NRXN3: variants seen among roughly 807,000 people sequenced by gnomAD.
NRXN3 encodes neurexin III.
A neutral mutation model predicts 137.6 loss-of-function variants in NRXN3; 32 were observed. That is an observed-to-expected ratio of 0.23 (90% CI 0.18 to 0.31). The LOEUF (loss-of-function observed/expected upper bound fraction) is 0.31, where lower values mean the gene tolerates loss of function less well. NRXN3 is among the 10% of genes least tolerant of loss of function. The probability of loss-of-function intolerance (pLI) is 1.00; values close to 1 mark genes in which losing one functional copy is unlikely to be tolerated. For missense variants in NRXN3, 1,574 were observed against 2,062.5 expected (o/e 0.76, Z 4.59); for synonymous variants, 798 against 784.5 (o/e 1.02, Z -0.29).
chr14:79,350,308 AC>A (rs959202920), intron 15 of NRXN3, among the ~76,000 whole-genome samples: 37 of 152,336 alleles, frequency 2.4e-4, no homozygotes, highest in African/African-American at 8.2e-4. Context: ...CAAGGCACAG[AC>A]TTTGTTAAGC....
At chr14:79,682,473 T>C (rs2098675520) in intron 17 of NRXN3, among the ~76,000 whole-genome samples, 1 of 152,210 alleles carries the variant, frequency 6.6e-6, no homozygotes, top group Non-Finnish European at 1.5e-5. Context: ...TAATAGTGTA[T>C]ATCTGACCTT....
chr14:78,415,724 C>T (rs2093098074), intron 4 of NRXN3, among the ~76,000 whole-genome samples: 1 of 152,088 alleles, frequency 6.6e-6, no homozygotes, highest in African/African-American at 2.4e-5. Context: ...GGAGGTAGGA[C>T]ATCTGGGGGT....
chr14:78,221,796 T>G (rs1384043784), intron 1 of NRXN3, among the ~76,000 whole-genome samples: 1 of 152,212 alleles, frequency 6.6e-6, no homozygotes, highest in Non-Finnish European at 1.5e-5. Flanking sequence ...TATCTCATCG[T>G]GAGGGCAGAG....
chr14:79,059,196 T>C (rs1178828152), intron 15 of NRXN3, among the ~76,000 whole-genome samples: 4 of 151,308 alleles, frequency 2.6e-5, no homozygotes, highest in Non-Finnish European at 5.9e-5. Flanking sequence ...CACCAGCAGA[T>C]CAAAACAATG....
At chr14:78,178,670 A>G (rs1011657163) in intron 1 of NRXN3, among the ~76,000 whole-genome samples, 1 of 152,150 alleles carries the variant, frequency 6.6e-6, no homozygotes, top group Non-Finnish European at 1.5e-5. Context: ...ACCTGCTTTG[A>G]GCAGGGCATC....
At chr14:78,203,803 GGT>G (rs3059003) in intron 1 of NRXN3, among the ~76,000 whole-genome samples, 2,885 of 133,892 alleles carry the variant, frequency 0.022, 45 homozygotes, top group South Asian at 0.064. Context: ...GATCCTTCCA[GGT>G]GTGTGTGTGT....
intron 1 of NRXN3, among the ~76,000 whole-genome samples, chr14:78,184,124 G>A (rs72683751): frequency 0.25 from 37,671 of 152,106 alleles, 5,051 homozygotes; most frequent in East Asian, 0.31. Context: ...AAATCTCCCC[G>A]CCAGAGATAA....
At chr14:79,048,564 T>A (rs1284285336) in intron 15 of NRXN3, among the ~76,000 whole-genome samples, 1 of 152,156 alleles carries the variant, frequency 6.6e-6, no homozygotes, top group Non-Finnish European at 1.5e-5. Flanking sequence ...ATGCACACCT[T>A]AATTTAAAAG....
chr14:78,906,197 A>T lies in NRXN3; in HGVS notation c.2276-51045A>T, dbSNP rs979397836. 3.3e-5 allele frequency among the ~76,000 whole-genome samples: 5 copies of T among 152,214 alleles called. No homozygotes were observed. The East Asian group carries it at 9.7e-4, about 30-fold the overall frequency. ...GATTTCACCATTATATTATATAATT[A>T]TAATTTCAGTGAATCAACTGCAAAT... On this transcript the variant is annotated intron_variant, in intron 10 of 20. Transcript: ENST00000335750.
intron 15 of NRXN3, among the ~76,000 whole-genome samples, chr14:79,166,517 G>A (rs1277750319): frequency 1.3e-5 from 2 of 149,946 alleles, no homozygotes; most frequent in South Asian, 2.1e-4. Context: ...TCTAGTATGT[G>A]TTGAAAATGC....
chr14:78,469,201 A>T (rs2095203097), intron 4 of NRXN3, among the ~76,000 whole-genome samples: 1 of 152,158 alleles, frequency 6.6e-6, no homozygotes, highest in African/African-American at 2.4e-5. Flanking sequence ...ATTCACAGGA[A>T]ATCTAATGTA....
intron 10 of NRXN3, among the ~76,000 whole-genome samples, chr14:78,874,241 G>A (rs1415534436): frequency 6.6e-6 from 1 of 152,064 alleles, no homozygotes; most frequent in African/African-American, 2.4e-5. Flanking sequence ...CGAAGTTCTG[G>A]GATTACAGGC....
chr14:78,845,034 C>A (rs765700810), intron 10 of NRXN3, among the ~76,000 whole-genome samples: 1 of 151,784 alleles, frequency 6.6e-6, no homozygotes, highest in Non-Finnish European at 1.5e-5. Context: ...GAGTAACAAA[C>A]CAGTGATGTC....
intron 16 of NRXN3, among the ~76,000 whole-genome samples, chr14:79,562,028 A>C (rs1045885176): frequency 1.3e-5 from 2 of 152,022 alleles, no homozygotes; most frequent in Non-Finnish European, 2.9e-5. Flanking sequence ...AAAGTAGTCT[A>C]AGTGAGTCAT....
chr14:79,173,883 A>G (rs1596812518), intron 15 of NRXN3, among the ~76,000 whole-genome samples: 1 of 152,172 alleles, frequency 6.6e-6, no homozygotes, highest in East Asian at 1.9e-4. Context: ...AAATAAAAGA[A>G]AACAGGAAGG....
At chr14:79,396,221 A>G (rs1343265216) in intron 15 of NRXN3, among the ~76,000 whole-genome samples, 1 of 152,110 alleles carries the variant, frequency 6.6e-6, no homozygotes, top group Non-Finnish European at 1.5e-5. Context: ...TATATGGAAC[A>G]TAATACGGGG....
chr14:78,465,857 T>A (rs1410969227), intron 4 of NRXN3, among the ~76,000 whole-genome samples: 1 of 148,954 alleles, frequency 6.7e-6, no homozygotes, highest in Non-Finnish European at 1.5e-5. Context: ...AAATTTTTAT[T>A]TATTTATTTT....
At chr14:78,785,153 GAAAT>G (rs1051610003) in intron 8 of NRXN3, among the ~76,000 whole-genome samples, 7 of 152,314 alleles carry the variant, frequency 4.6e-5, no homozygotes, top group Admixed American at 4.6e-4. Context: ...GCTAGTTAGA[GAAAT>G]AAACAAGAAG....
At chr14:78,503,630 C>T (rs1253072029) in intron 4 of NRXN3, among the ~76,000 whole-genome samples, 1 of 152,112 alleles carries the variant, frequency 6.6e-6, no homozygotes, top group Non-Finnish European at 1.5e-5. Context: ...CCACCATCAG[C>T]AGGATCAGGA....
Sources: allele counts gnomAD v4.1 joint callset (sites outside exome capture counted in the v4.1 genomes callset), GRCh38; gene constraint gnomAD v4.1.1; transcripts MANE v1.5; gene names NCBI Gene and HGNC (gene_info 2026-07-23, HGNC 2026-07-21).